Variants in CACNG2 observed in about 807,000 individuals in gnomAD.
CACNG2 encodes voltage-dependent calcium channel gamma-2 subunit.
A neutral mutation model predicts 25.9 loss-of-function variants in CACNG2; 3 were observed. The observed-to-expected ratio is 0.12, with a 90% CI of 0.05 to 0.30. CACNG2 has a LOEUF of 0.30. Ranked by LOEUF, CACNG2 falls within the 10% of genes least tolerant of loss-of-function variation. The pLI, the probability that CACNG2 is intolerant of heterozygous loss-of-function variation, is 1.00. For missense variants in CACNG2, 341 were observed against 432.5 expected (o/e 0.79, Z 1.88); for synonymous variants, 167 against 173.3 (o/e 0.96, Z 0.29).
intron 1 of CACNG2, among the ~76,000 whole-genome samples, chr22:36,701,065 C>T (rs1251744517): frequency 6.6e-6 from 1 of 152,142 alleles, no homozygotes; most frequent in Non-Finnish European, 1.5e-5. Context: ...CCTCTCTTCT[C>T]CCCCATCTCC....
rs117043685 is a variant in CACNG2 at position 36,563,889 on chromosome 22, G to C, written c.*462C>G. ...AACATAAACCCTGAAAAATACAAAG[G>C]ACATCCCCTTTCCTTTCTGTTCTCA... On this transcript the variant is annotated 3_prime_UTR_variant, in exon 4 of 4. Coordinates refer to ENST00000300105, the MANE Select transcript of CACNG2 (RefSeq NM_006078.5). 0.036 allele frequency: 5,211 copies of C among 145,808 alleles called. 148 individuals carry two copies. Among genetic ancestry groups the C allele is most frequent in the Middle Eastern group, 0.068 (19 of 280 alleles). 9.0% of individuals were successfully genotyped at this position (145,808 alleles called of 1,614,324 possible).
At chr22:36,633,483 C>T (rs1936306879) in intron 1 of CACNG2, among the ~76,000 whole-genome samples, 1 of 152,200 alleles carries the variant, frequency 6.6e-6, no homozygotes, top group South Asian at 2.1e-4. Flanking sequence ...ATGTAAATTG[C>T]TTACATGGGA....
intron 1 of CACNG2, among the ~76,000 whole-genome samples, chr22:36,699,568 C>T (rs888134383): frequency 4.0e-5 from 6 of 149,670 alleles, no homozygotes; most frequent in South Asian, 4.2e-4. Context: ...GAGTCATTAG[C>T]GGCATCTTAG....
At chr22:36,635,888 C>A (rs1319833177) in intron 1 of CACNG2, among the ~76,000 whole-genome samples, 1 of 152,180 alleles carries the variant, frequency 6.6e-6, no homozygotes, top group Non-Finnish European at 1.5e-5. Flanking sequence ...TCCTCACATC[C>A]AATCCGTTAG....
At chr22:36,685,715 C>T (rs1027945797) in intron 1 of CACNG2, among the ~76,000 whole-genome samples, 1 of 152,234 alleles carries the variant, frequency 6.6e-6, no homozygotes, top group Non-Finnish European at 1.5e-5. Flanking sequence ...TCCGCTGTTC[C>T]GGGACCAAGG....
intron 1 of CACNG2, among the ~76,000 whole-genome samples, chr22:36,670,238 G>A (rs1936929617): frequency 6.6e-6 from 1 of 152,166 alleles, no homozygotes; most frequent in Non-Finnish European, 1.5e-5. Flanking sequence ...AATATGAAAA[G>A]AGAATTCAGG....
At chr22:36,617,881 G>A (rs913774991) in intron 1 of CACNG2, among the ~76,000 whole-genome samples, 1 of 150,602 alleles carries the variant, frequency 6.6e-6, no homozygotes, top group Non-Finnish European at 1.5e-5. Flanking sequence ...CATTCTAAGG[G>A]TTGGTAACCA....
intron 1 of CACNG2, among the ~76,000 whole-genome samples, chr22:36,647,519 C>T (rs1017731611): frequency 4.6e-5 from 7 of 152,198 alleles, no homozygotes; most frequent in Admixed American, 4.6e-4. Context: ...TCACTTGAAC[C>T]CAGGAGGTGG....
At chr22:36,594,792 TGTC>T (rs1219628038) in intron 1 of CACNG2, among the ~76,000 whole-genome samples, 4 of 148,412 alleles carry the variant, frequency 2.7e-5, no homozygotes, top group African/African-American at 7.5e-5. Context: ...TCTGTGTGTG[TGTC>T]TTGTGTGCAT....
chr22:36,587,119 A>G (rs1440697386), intron 2 of CACNG2, among the ~76,000 whole-genome samples: 2 of 152,008 alleles, frequency 1.3e-5, no homozygotes, highest in East Asian at 3.9e-4. Context: ...CAGAGTTGGG[A>G]GATGGTTACT....
intron 1 of CACNG2, among the ~76,000 whole-genome samples, chr22:36,670,946 G>A (rs1936940914): frequency 6.7e-6 from 1 of 149,782 alleles, no homozygotes; most frequent in South Asian, 2.1e-4. Context: ...TTGAGACGGA[G>A]TCTTGCTCTC....
Position 36,657,685 on chromosome 22 carries a change from A to G in CACNG2, c.211+44681T>C, listed in dbSNP as rs772508272. On this transcript the variant is annotated intron_variant, in intron 1 of 3. Transcript: ENST00000300105. Reference sequence around the variant, plus strand: ...AGTTTTCATTTTTATAAATCCTAGAACTTTTTTTTTTTCTGGATACAATAA... The same window carrying G: ...AGTTTTCATTTTTATAAATCCTAGAGCTTTTTTTTTTTCTGGATACAATAA... 1.9e-4 allele frequency among the ~76,000 whole-genome samples: 29 copies of G among 151,908 alleles called. 2 individuals carry two copies. In the South Asian group the frequency reaches 3.3e-3, roughly 17 times the overall value.
intron 2 of CACNG2, among the ~76,000 whole-genome samples, chr22:36,580,454 G>T (rs1935396223): frequency 6.6e-6 from 1 of 151,984 alleles, no homozygotes; most frequent in Non-Finnish European, 1.5e-5. Context: ...GAGCTGAGTG[G>T]GGGCATCTGC....
chr22:36,588,169 CA>C (rs1935534156), intron 1 of CACNG2, among the ~76,000 whole-genome samples: 1 of 152,202 alleles, frequency 6.6e-6, no homozygotes, highest in Admixed American at 6.5e-5. Context: ...GGTTCCACCA[CA>C]GGCCTGTGAG....
chr22:36,657,719 C>G (rs375781007), intron 1 of CACNG2, among the ~76,000 whole-genome samples: 1 of 151,862 alleles, frequency 6.6e-6, no homozygotes, highest in Non-Finnish European at 1.5e-5. Flanking sequence ...AAGATTGGCC[C>G]GCAAATGGAC....
intron 1 of CACNG2, among the ~76,000 whole-genome samples, chr22:36,659,704 GC>G (rs1427356973): frequency 6.6e-6 from 1 of 152,062 alleles, no homozygotes; most frequent in African/African-American, 2.4e-5. Flanking sequence ...CAGGTGAAAT[GC>G]TGATGTACTG....
intron 2 of CACNG2, among the ~76,000 whole-genome samples, chr22:36,582,327 G>T (rs1001221828): frequency 2.4e-4 from 36 of 151,926 alleles, no homozygotes; most frequent in African/African-American, 8.2e-4. Context: ...CTTGTCTCAC[G>T]GGGCTCAGTC....
At chr22:36,619,136 G>T (rs2283991) in intron 1 of CACNG2, among the ~76,000 whole-genome samples, 13,336 of 152,094 alleles carry the variant, frequency 0.088, 805 homozygotes, top group East Asian at 0.24. Flanking sequence ...GTGAAGGGAT[G>T]GCCCAAGATC....
chr22:36,672,149 A>AT (rs554891958), intron 1 of CACNG2, among the ~76,000 whole-genome samples: 52 of 145,996 alleles, frequency 3.6e-4, no homozygotes, highest in East Asian at 8.0e-4. Flanking sequence ...GTGGGGCTAC[A>AT]TTTTTTTTTT....
Sources: gnomAD v4.1 joint callset for allele counts (sites outside exome capture counted in the v4.1 genomes callset) on GRCh38, gnomAD v4.1.1 for gene constraint, MANE v1.5 for transcripts, NCBI Gene and HGNC (gene_info 2026-07-23, HGNC 2026-07-21) for gene names.